Variants in WDPCP observed in about 807,000 individuals in gnomAD.
WDPCP encodes WD repeat-containing and planar cell polarity effector protein fritz homolog.
Under a neutral mutation model 93.1 loss-of-function variants are expected in WDPCP, and 71 were observed. That is an observed-to-expected ratio of 0.76 (90% CI 0.63 to 0.93). WDPCP has a LOEUF of 0.93. Among genes scored for constraint, WDPCP ranks in the 40% least tolerant of loss-of-function variants. The pLI is 0.00. For synonymous variants in WDPCP, 315 were observed against 315.0 expected, an observed-to-expected ratio of 1.00 and a Z score of 0.00; for missense variants, 844 against 887.4, an observed-to-expected ratio of 0.95 and a Z score of 0.62.
At chr2:63,240,000 T>G (rs1679738078) in intron 14 of WDPCP, among the ~76,000 whole-genome samples, 1 of 152,146 alleles carries the variant, frequency 6.6e-6, no homozygotes, top group African/African-American at 2.4e-5. Flanking sequence ...TGAGTTTGGA[T>G]TCTATTTTGT....
chr2:63,268,614 T>A (rs72813459), intron 13 of WDPCP, among the ~76,000 whole-genome samples: 1 of 152,022 alleles, frequency 6.6e-6, no homozygotes, highest in Middle Eastern at 3.2e-3. Flanking sequence ...TACAGGCACA[T>A]GCCACCCCAC....
At chr2:63,517,557 C>T (rs949396629) in intron 1 of WDPCP, among the ~76,000 whole-genome samples, 4 of 152,078 alleles carry the variant, frequency 2.6e-5, no homozygotes, top group Non-Finnish European at 5.9e-5. Flanking sequence ...TATAAGACTC[C>T]AATATATAAA....
intron 12 of WDPCP, among the ~76,000 whole-genome samples, chr2:63,342,804 T>C (rs1688937977): frequency 6.6e-6 from 1 of 152,232 alleles, no homozygotes; most frequent in Non-Finnish European, 1.5e-5. Context: ...TATTTACCTA[T>C]GTAGTTATCT....
chr2:63,217,674 T>C (rs930034269), intron 14 of WDPCP, among the ~76,000 whole-genome samples: 1 of 152,206 alleles, frequency 6.6e-6, no homozygotes, highest in African/African-American at 2.4e-5. Flanking sequence ...GACTAACATA[T>C]CATTTTGTGC....
chr2:63,309,795 C>T (rs190181459), intron 13 of WDPCP, among the ~76,000 whole-genome samples: 1 of 149,858 alleles, frequency 6.7e-6, no homozygotes, highest in Non-Finnish European at 1.5e-5. Context: ...AGAATTAAAA[C>T]AAAAAAAAAC....
intron 2 of WDPCP, among the ~76,000 whole-genome samples, chr2:63,736,092 A>T (rs1669635759): frequency 6.6e-6 from 1 of 152,236 alleles, no homozygotes; most frequent in Non-Finnish European, 1.5e-5. Flanking sequence ...ACTGACAGTG[A>T]AACTGAACAC....
rs13387398 is a variant in WDPCP at position 63,197,926 on chromosome 2, T to C, written c.1916-23094A>G. ...TAAATCTGCAAAGTCCCTTTTGCCATGTAACGTAGCATATTGACAGGTTCT... is the reference window on the plus strand; with the variant it reads ...TAAATCTGCAAAGTCCCTTTTGCCACGTAACGTAGCATATTGACAGGTTCT... On this transcript the variant is annotated intron_variant, in intron 14 of 17. Transcript: ENST00000272321. Among the ~76,000 whole-genome samples the C allele has an allele frequency of 7.2e-3, 1,096 of 152,334 alleles. 12 individuals are homozygous for C. The highest frequency in any genetic ancestry group is 0.025 in the African/African-American group (1,027 of 41,576).
At chr2:63,558,382 G>A (rs759043601) in intron 1 of WDPCP, among the ~76,000 whole-genome samples, 2 of 151,960 alleles carry the variant, frequency 1.3e-5, no homozygotes, top group Non-Finnish European at 2.9e-5. Flanking sequence ...ACAAAAATTA[G>A]CTGGGCGTGG....
At chr2:63,360,230 A>G (rs1329840042) in intron 12 of WDPCP, among the ~76,000 whole-genome samples, 1 of 152,214 alleles carries the variant, frequency 6.6e-6, no homozygotes, top group Non-Finnish European at 1.5e-5. Flanking sequence ...TTAGCTTTGA[A>G]TTCGATTTTA....
chr2:63,625,351 T>G (rs1709798539), intron 3 of WDPCP, among the ~76,000 whole-genome samples: 1 of 152,102 alleles, frequency 6.6e-6, no homozygotes, highest in Non-Finnish European at 1.5e-5. Flanking sequence ...GAGAAAGAAA[T>G]AAAGGGTATT....
At position 63,188,424 on chromosome 2, in the gene WDPCP, CTGCT is replaced by C. The variant is rs544280879; in HGVS notation, c.1916-13596_1916-13593del. Among the ~76,000 whole-genome samples, 210 of 151,946 alleles carry C rather than the reference CTGCT, an allele frequency of 1.4e-3. 1 individual carries two copies. Among genetic ancestry groups the C allele is most frequent in the African/African-American group, 4.8e-3 (198 of 41,446 alleles). On this transcript the variant is annotated intron_variant, in intron 14 of 17. Transcript: ENST00000272321. ...GCTAACTTCAAGAACACTGATTCTT[CTGCT>C]TGCTTAAGTCTGCCATTGAACCCCT...
chr2:63,593,402 CTTTTTTGAAATTT>C (rs1475030143), upstream of WDPCP: 1 of 363,134 alleles, frequency 2.8e-6, no homozygotes, highest in African/African-American at 2.2e-5. Context: ...CCTGACACTT[CTTTTTTGAAATTT>C]TTTTTTTTCT....
chr2:63,789,452 T>C (rs566453763), intron 2 of WDPCP, among the ~76,000 whole-genome samples: 4 of 152,242 alleles, frequency 2.6e-5, no homozygotes, highest in African/African-American at 9.6e-5. Flanking sequence ...AACCCAAGGG[T>C]AGTGACTTCA....
chr2:63,125,439 CTAAGACA>C (rs1342310311), intron 17 of WDPCP, among the ~76,000 whole-genome samples: 2 of 152,134 alleles, frequency 1.3e-5, no homozygotes, highest in African/African-American at 4.8e-5. Flanking sequence ...TTTCAAAACT[CTAAGACA>C]TGTTTAGTTT....
intron 14 of WDPCP, among the ~76,000 whole-genome samples, chr2:63,218,301 A>G (rs1677519280): frequency 6.6e-6 from 1 of 152,134 alleles, no homozygotes; most frequent in Non-Finnish European, 1.5e-5. Flanking sequence ...TACTTTTATT[A>G]GAAATATGAT....
chr2:63,265,679 G>A lies in WDPCP; in HGVS notation c.1813-6270C>T, dbSNP rs749912199. Among the ~76,000 whole-genome samples the A allele has an allele frequency of 2.0e-5, 3 of 152,224 alleles. No homozygotes were observed. In the South Asian group the frequency reaches 6.2e-4, roughly 32 times the overall value. ...CTCACTGTGAGGCCAGCATTACCCT[G>A]ATACCAAAGCCAGACAAAGACATTA... On this transcript the variant is annotated intron_variant, in intron 13 of 17. Transcript: ENST00000272321.
At chr2:63,801,487 G>A (rs1379356744) in intron 2 of WDPCP, among the ~76,000 whole-genome samples, 1 of 152,192 alleles carries the variant, frequency 6.6e-6, no homozygotes, top group Admixed American at 6.5e-5. Flanking sequence ...AGCATGGAAG[G>A]TGGACCCAGC....
At chr2:63,125,920 T>G (rs1324037405) in intron 17 of WDPCP, among the ~76,000 whole-genome samples, 1 of 146,490 alleles carries the variant, frequency 6.8e-6, no homozygotes, top group African/African-American at 2.5e-5. Flanking sequence ...TGCTTTTCAG[T>G]TTTTTTTTAC....
Position 63,233,849 on chromosome 2 carries a change from G to T in WDPCP, c.1915+25458C>A, listed in dbSNP as rs1317095148. Among the ~76,000 whole-genome samples the T allele has an allele frequency of 2.0e-5, 3 of 152,102 alleles. No homozygotes were observed. The East Asian group carries it at 5.8e-4, about 29-fold the overall frequency. On this transcript the variant is annotated intron_variant, in intron 14 of 17. Coordinates refer to ENST00000272321, the MANE Select transcript of WDPCP (RefSeq NM_015910.7). ...CACTTAGGGGTATGAGGTTGATCTG[G>T]TGCCCAGCCCTGGAGCCTCTTGCTC...
Sources: gnomAD v4.1 joint callset for allele counts (sites outside exome capture counted in the v4.1 genomes callset) on GRCh38, gnomAD v4.1.1 for gene constraint, MANE v1.5 for transcripts, NCBI Gene and HGNC (gene_info 2026-07-23, HGNC 2026-07-21) for gene names.